The following FOXP2 variants were observed in gnomAD, a reference collection of about 807,000 sequenced individuals.
The protein encoded by FOXP2 is forkhead box protein P2.
A neutral mutation model predicts 115.8 loss-of-function variants in FOXP2; 12 were observed. The observed-to-expected ratio is 0.10, with a 90% confidence interval of 0.07 to 0.17. The LOEUF is 0.17. FOXP2 is among the 10% of genes least tolerant of loss of function. The pLI is 1.00. For missense variants in FOXP2, 629 were observed against 843.5 expected, an observed-to-expected ratio of 0.75 and a Z score of 3.15; for synonymous variants, 328 against 297.7, an observed-to-expected ratio of 1.10 and a Z score of -1.05.
intron 16 of FOXP2, among the ~76,000 whole-genome samples, chr7:114,685,113 A>G (rs1808294260): frequency 6.6e-6 from 1 of 152,118 alleles, no homozygotes; most frequent in Non-Finnish European, 1.5e-5. Flanking sequence ...ATACACAAGC[A>G]CACATGCTTA....
intron 2 of FOXP2, among the ~76,000 whole-genome samples, chr7:114,532,166 C>T (rs530039603): frequency 6.6e-6 from 1 of 151,898 alleles, no homozygotes; most frequent in African/African-American, 2.4e-5. Flanking sequence ...ATCAGATACT[C>T]AGGATGTTAC....
chr7:114,384,585 G>T (rs1191529733), intron 2 of FOXP2, among the ~76,000 whole-genome samples: 3 of 152,054 alleles, frequency 2.0e-5, no homozygotes, highest in Non-Finnish European at 4.4e-5. Context: ...GTTCCTCCTA[G>T]GTCTGGTCGG....
intron 1 of FOXP2, among the ~76,000 whole-genome samples, chr7:114,164,147 G>A (rs866765040): frequency 2.0e-5 from 3 of 152,056 alleles, no homozygotes; most frequent in South Asian, 2.1e-4. Context: ...ATCTTGTTAC[G>A]TGGTGCATTC....
intron 1 of FOXP2, among the ~76,000 whole-genome samples, chr7:114,214,113 AT>A (rs1794426580): frequency 6.6e-6 from 1 of 152,192 alleles, no homozygotes; most frequent in Non-Finnish European, 1.5e-5. Context: ...CATTTTATAC[AT>A]TTTGAATGTT....
intron 2 of FOXP2, among the ~76,000 whole-genome samples, chr7:114,387,019 A>C (rs534983953): frequency 5.9e-5 from 9 of 152,338 alleles, no homozygotes; most frequent in African/African-American, 9.6e-5. Flanking sequence ...TTATTTAGAA[A>C]AGCAACTTAC....
chr7:114,496,744 G>T (rs998391191), intron 2 of FOXP2, among the ~76,000 whole-genome samples: 1 of 152,048 alleles, frequency 6.6e-6, no homozygotes, highest in African/African-American at 2.4e-5. Flanking sequence ...ATATATTATT[G>T]AATGATCTTA....
At chr7:114,264,053 T>C (rs1194571473) in intron 1 of FOXP2, among the ~76,000 whole-genome samples, 1 of 152,102 alleles carries the variant, frequency 6.6e-6, no homozygotes, top group Non-Finnish European at 1.5e-5. Flanking sequence ...GCCCAGGAGT[T>C]CTGAAAGTGT....
chr7:114,462,695 CATA>C (rs1795633654), intron 2 of FOXP2, among the ~76,000 whole-genome samples: 1 of 152,104 alleles, frequency 6.6e-6, no homozygotes, highest in South Asian at 2.1e-4. Context: ...CTTTTCACAT[CATA>C]GTCTTTGAGC....
At chr7:114,387,976 A>T (rs1792494890) in intron 2 of FOXP2, among the ~76,000 whole-genome samples, 1 of 152,160 alleles carries the variant, frequency 6.6e-6, no homozygotes, top group Non-Finnish European at 1.5e-5. Flanking sequence ...TTTCAAGTTT[A>T]TCTTAAGGTT....
At chr7:114,284,586 A>G (rs980172677) in intron 1 of FOXP2, among the ~76,000 whole-genome samples, 1 of 152,144 alleles carries the variant, frequency 6.6e-6, no homozygotes, top group African/African-American at 2.4e-5. Context: ...TATGGAAAAA[A>G]AGGAATGCTT....
intron 14 of FOXP2, among the ~76,000 whole-genome samples, chr7:114,662,584 T>C (rs971488634): frequency 2.6e-5 from 4 of 152,080 alleles, no homozygotes; most frequent in Non-Finnish European, 4.4e-5. Flanking sequence ...AAAGTACCTT[T>C]TTATGAAGAA....
At chr7:114,631,304 A>G (rs577135624) in intron 5 of FOXP2, among the ~76,000 whole-genome samples, 1 of 152,186 alleles carries the variant, frequency 6.6e-6, no homozygotes, top group Admixed American at 6.5e-5. Flanking sequence ...ACCTTGCTCC[A>G]TACTTTTTTG....
At chr7:114,604,231 C>T (rs971484849) in intron 3 of FOXP2, among the ~76,000 whole-genome samples, 1 of 152,122 alleles carries the variant, frequency 6.6e-6, no homozygotes, top group Non-Finnish European at 1.5e-5. Flanking sequence ...AACTGGAGAA[C>T]TCTATGGAGC....
intron 2 of FOXP2, among the ~76,000 whole-genome samples, chr7:114,530,164 A>T (rs976868556): frequency 6.6e-6 from 1 of 151,822 alleles, no homozygotes; most frequent in African/African-American, 2.4e-5. Flanking sequence ...TGTTCCACAT[A>T]ATCGTTTCTT....
chr7:114,478,889 C>T (rs1040662420), intron 2 of FOXP2, among the ~76,000 whole-genome samples: 4 of 151,470 alleles, frequency 2.6e-5, no homozygotes, highest in Admixed American at 6.6e-5. Flanking sequence ...GCTTCAGTAG[C>T]GTATTATATG....
intron 1 of FOXP2, among the ~76,000 whole-genome samples, chr7:114,248,909 T>C (rs1172617316): frequency 6.6e-6 from 1 of 152,214 alleles, no homozygotes; most frequent in Non-Finnish European, 1.5e-5. Context: ...AAGTGTTCTT[T>C]TCCAGACAGC....
intron 3 of FOXP2, among the ~76,000 whole-genome samples, chr7:114,573,661 T>C (rs1052472207): frequency 4.6e-5 from 7 of 151,782 alleles, no homozygotes; most frequent in African/African-American, 1.7e-4. Context: ...CACACACACA[T>C]ACAAGCCAAA....
rs569144092 is a variant in FOXP2, at chr7:114,470,062, G to A, written c.168+43383G>A. Among the ~76,000 whole-genome samples, 233 of 152,182 alleles carry A rather than the reference G, an allele frequency of 1.5e-3. 2 individuals carry two copies. The highest frequency in any genetic ancestry group is 5.4e-3 in the African/African-American group (223 of 41,526). ...ATTTCAATATAATTTTGTATACAGT[G>A]GCCATGCCATGAACTGCCCTACAAA... On this transcript the variant is annotated intron_variant, in intron 2 of 16. Coordinates refer to ENST00000350908, the MANE Select transcript of FOXP2 (RefSeq NM_014491.4).
intron 2 of FOXP2, among the ~76,000 whole-genome samples, chr7:114,439,151 A>G (rs1258926055): frequency 6.6e-6 from 1 of 152,170 alleles, no homozygotes; most frequent in Non-Finnish European, 1.5e-5. Flanking sequence ...TTCTCATTCC[A>G]AGATGACCTT....
Sources: gnomAD v4.1 joint callset for allele counts (sites outside exome capture counted in the v4.1 genomes callset) on GRCh38, gnomAD v4.1.1 for gene constraint, MANE v1.5 for transcripts, NCBI Gene and HGNC (gene_info 2026-07-23, HGNC 2026-07-21) for gene names.